CHCHD6: variants seen among roughly 807,000 people sequenced by gnomAD.
The protein encoded by CHCHD6 is coiled-coil-helix-coiled-coil-helix domain containing 6.
CHCHD6 carries 28 observed loss-of-function variants against 32.3 expected under a neutral mutation model. That is an observed-to-expected ratio of 0.87 (90% CI 0.64 to 1.19). The LOEUF (loss-of-function observed/expected upper bound fraction) is 1.19. CHCHD6 is among the 50% of genes most tolerant of loss of function. The probability of loss-of-function intolerance (pLI) is 0.00; values close to 1 mark genes in which losing one functional copy is unlikely to be tolerated. For missense variants in CHCHD6, 333 were observed against 307.0 expected (o/e 1.08, Z -0.63); for synonymous variants, 122 against 117.5 (o/e 1.04, Z -0.25).
chr3:126,915,127 A>T (rs907114745), intron 6 of CHCHD6, among the ~76,000 whole-genome samples: 2 of 152,082 alleles, frequency 1.3e-5, no homozygotes, highest in African/African-American at 4.8e-5. Flanking sequence ...CTGACTGTGG[A>T]GGGGTTTTTA....
At chr3:126,849,288 G>A (rs1941392502) in intron 4 of CHCHD6, among the ~76,000 whole-genome samples, 1 of 152,256 alleles carries the variant, frequency 6.6e-6, no homozygotes, top group South Asian at 2.1e-4. Flanking sequence ...GCCTCTGCCT[G>A]CTCCAGACTT....
At chr3:126,851,890 C>T (rs1035275845) in intron 4 of CHCHD6, among the ~76,000 whole-genome samples, 12 of 152,208 alleles carry the variant, frequency 7.9e-5, no homozygotes, top group African/African-American at 1.9e-4. Context: ...TGTTCAAGGT[C>T]GCCTAGCTAA....
rs1370471719 is a variant in CHCHD6, at chr3:126,709,684, T to C, written c.87+5285T>C. ...TTGTTATTATCTTCGATTCTAGCAA[T>C]TCTAGTGGCTGTGAAATTGTATCTC... On this transcript the variant is annotated intron_variant, in intron 1 of 7. Transcript: ENST00000290913. Among the ~76,000 whole-genome samples, 3 of 152,226 alleles carry C rather than the reference T, an allele frequency of 2.0e-5. No individual in the cohort carries two copies. In the South Asian group the frequency reaches 6.2e-4, roughly 32 times the overall value.
At chr3:126,735,116 A>T (rs1335987648) in intron 4 of CHCHD6, among the ~76,000 whole-genome samples, 3 of 152,116 alleles carry the variant, frequency 2.0e-5, no homozygotes, top group Non-Finnish European at 4.4e-5. Flanking sequence ...AAGGACCCCT[A>T]TCCTGGAGAT....
intron 4 of CHCHD6, among the ~76,000 whole-genome samples, chr3:126,764,565 A>G (rs1481937671): frequency 1.3e-5 from 2 of 152,198 alleles, no homozygotes; most frequent in Non-Finnish European, 2.9e-5. Context: ...CTAGGGTTCT[A>G]GAAGAGGCTG....
intron 3 of CHCHD6, 63 bp from the exon 4 acceptor site, chr3:126,733,015 C>T: frequency 6.3e-7 from 1 of 1,581,212 alleles, no homozygotes; most frequent in Non-Finnish European, 8.7e-7. Flanking sequence ...CAGATCTTGT[C>T]TTGGCTATGG....
chr3:126,781,803 C>G (rs1448525571), intron 4 of CHCHD6, among the ~76,000 whole-genome samples: 1 of 152,212 alleles, frequency 6.6e-6, no homozygotes, highest in African/African-American at 2.4e-5. Context: ...ACTTCATTTT[C>G]CCACTCTCTT....
rs564105048 is a variant in CHCHD6, at chr3:126,817,553, G to A, written c.412-35094G>A. The stretch of plus-strand genomic sequence containing the variant: ...CCTGGCCTTTGCCTGCAGAACCCCC[G>A]CTCCCCACCCCAGCACAAGTCTGTC... On this transcript the variant is annotated intron_variant, in intron 4 of 7. Transcript: ENST00000290913. Among the ~76,000 whole-genome samples, 368 of 152,182 alleles carry A rather than the reference G, an allele frequency of 2.4e-3. 2 individuals are homozygous for A. Among genetic ancestry groups the A allele is most frequent in the Non-Finnish European group, 4.5e-3 (303 of 68,004 alleles).
chr3:126,885,138 C>G lies in CHCHD6; in HGVS notation c.496-29542C>G, dbSNP rs529160877. Among the ~76,000 whole-genome samples the G allele has an allele frequency of 1.4e-4, 21 of 152,286 alleles. No homozygotes were observed. In the East Asian group the frequency reaches 4.1e-3, roughly 29 times the overall value. On this transcript the variant is annotated intron_variant, in intron 5 of 7. Coordinates refer to ENST00000290913, the MANE Select transcript of CHCHD6 (RefSeq NM_032343.3). ...GTGCCCATTCCAGGGTGAATCTTTA[C>G]CTGGAAAGAGGGGCTTTGAGATTTG...
rs1051015705 is a variant in CHCHD6, at chr3:126,850,769, T to C, written c.412-1878T>C. On this transcript the variant is annotated intron_variant, in intron 4 of 7. Coordinates refer to ENST00000290913, the MANE Select transcript of CHCHD6 (RefSeq NM_032343.3). ...AATTGCATCAGACGAGCTTCTCCTCTCACTGCACCAGGGATTGGTAACAGT... is the reference window on the plus strand; with the variant it reads ...AATTGCATCAGACGAGCTTCTCCTCCCACTGCACCAGGGATTGGTAACAGT... Among the ~76,000 whole-genome samples, 4 of 152,280 alleles carry C rather than the reference T, an allele frequency of 2.6e-5. No homozygotes were observed. The South Asian group carries it at 8.3e-4, about 32-fold the overall frequency.
chr3:126,903,547 T>G (rs977725651), intron 5 of CHCHD6, among the ~76,000 whole-genome samples: 1 of 152,180 alleles, frequency 6.6e-6, no homozygotes, highest in Non-Finnish European at 1.5e-5. Context: ...TTAAAAAAAA[T>G]TCTGTTGTGC....
intron 6 of CHCHD6, among the ~76,000 whole-genome samples, chr3:126,954,526 A>G (rs372181499): frequency 6.6e-6 from 1 of 152,186 alleles, no homozygotes; most frequent in Admixed American, 6.5e-5. Context: ...TGTCCTGTCT[A>G]TGGTACCTCT....
At chr3:126,889,966 T>A (rs1290928171) in intron 5 of CHCHD6, among the ~76,000 whole-genome samples, 1 of 140,388 alleles carries the variant, frequency 7.1e-6, no homozygotes, top group African/African-American at 2.9e-5. Flanking sequence ...CCAGCAGCCC[T>A]GAGCTGACAG....
chr3:126,885,350 T>A (rs2077665293), intron 5 of CHCHD6, among the ~76,000 whole-genome samples: 1 of 152,204 alleles, frequency 6.6e-6, no homozygotes, highest in Non-Finnish European at 1.5e-5. Context: ...TTTTTCTCCT[T>A]CCTTTGAATC....
chr3:126,893,396 C>T (rs186954213), intron 5 of CHCHD6, among the ~76,000 whole-genome samples: 29 of 152,336 alleles, frequency 1.9e-4, no homozygotes, highest in Admixed American at 1.5e-3. Context: ...GTGACTCATT[C>T]GTTTTCTCTA....
intron 6 of CHCHD6, among the ~76,000 whole-genome samples, chr3:126,918,084 T>A (rs1222080104): frequency 1.3e-5 from 2 of 152,222 alleles, no homozygotes; most frequent in East Asian, 3.8e-4. Flanking sequence ...ATATATAAAT[T>A]GAGCTTATAA....
chr3:126,773,248 A>G (rs1937575279), intron 4 of CHCHD6, among the ~76,000 whole-genome samples: 1 of 152,082 alleles, frequency 6.6e-6, no homozygotes, highest in African/African-American at 2.4e-5. Flanking sequence ...TCCCTGCAGT[A>G]TTTTCAAGTA....
intron 4 of CHCHD6, among the ~76,000 whole-genome samples, chr3:126,802,009 C>A (rs1051135133): frequency 3.9e-5 from 6 of 152,128 alleles, no homozygotes; most frequent in Non-Finnish European, 5.9e-5. Context: ...GGGTCCTGTC[C>A]GTTAGAAGGA....
chr3:126,730,582 G>A lies in CHCHD6; in HGVS notation c.218G>A (p.Gly73Glu). The change falls in exon 3 of 8, where the codon GGG (glycine) becomes GAG (glutamate). Residue 73 changes from glycine (G) to glutamate (E), a missense_variant. Coordinates refer to ENST00000290913, the MANE Select transcript of CHCHD6 (RefSeq NM_032343.3). ...GCAGAATCCACACTGCCCAGGTCGGGGAGCAGTGGTGGCCAGCAGCCCTCA... is the reference window on the plus strand; with the variant it reads ...GCAGAATCCACACTGCCCAGGTCGGAGAGCAGTGGTGGCCAGCAGCCCTCA... ...PHKESTLPRS[G>E]SSGGQQPSGM... 6.2e-6 allele frequency: 10 copies of A among 1,613,808 alleles called. No individual in the cohort carries two copies. The highest frequency in any genetic ancestry group is 8.5e-6 in the Non-Finnish European group (10 of 1,179,870).
Sources: gnomAD v4.1 joint callset for allele counts (sites outside exome capture counted in the v4.1 genomes callset) on GRCh38, gnomAD v4.1.1 for gene constraint, MANE v1.5 for transcripts, NCBI Gene and HGNC (gene_info 2026-07-23, HGNC 2026-07-21) for gene names.